SFXN5: variants seen among roughly 807,000 people sequenced by gnomAD.
The protein encoded by SFXN5 is sideroflexin 5, also known as sideroflexin-5.
Under a neutral mutation model 50.2 loss-of-function variants are expected in SFXN5, and 43 were observed. The ratio of observed to expected loss-of-function variants is 0.86; its 90% CI spans 0.67 to 1.11. The LOEUF (loss-of-function observed/expected upper bound fraction) is 1.11. Among genes scored for constraint, SFXN5 ranks in the 50% least tolerant of loss-of-function variants. The pLI is 0.00. For missense variants in SFXN5, 463 were observed against 454.1 expected, an observed-to-expected ratio of 1.02 and a Z score of -0.18; for synonymous variants, 203 against 185.8, an observed-to-expected ratio of 1.09 and a Z score of -0.75.
chr2:73,063,138 T>C (rs893845182), intron 1 of SFXN5, among the ~76,000 whole-genome samples: 4 of 152,184 alleles, frequency 2.6e-5, no homozygotes, highest in African/African-American at 9.7e-5. Context: ...GGAAAGAAGA[T>C]AAAAACTCTG....
Position 73,000,497 on chromosome 2 carries a change from A to T in SFXN5, c.412-10T>A. 1 of 1,556,992 alleles carries T rather than the reference A, an allele frequency of 6.4e-7. No homozygotes were observed. The highest frequency in any genetic ancestry group is 8.7e-7 in the Non-Finnish European group (1 of 1,149,252). Reference sequence around the variant, plus strand: ...GGCTCTGGTTCAGCCACTGAAAGGCAATGATGAGAGAAGTCAGGGAAGGAG... The same window carrying T: ...GGCTCTGGTTCAGCCACTGAAAGGCTATGATGAGAGAAGTCAGGGAAGGAG... On this transcript the variant is annotated splice_polypyrimidine_tract_variant and intron_variant, in intron 7 of 13. Coordinates refer to ENST00000272433, the MANE Select transcript of SFXN5 (RefSeq NM_144579.3).
rs1323551923 is a variant in SFXN5 at position 72,992,952 on chromosome 2, G to A, written c.535-4604C>T. On this transcript the variant is annotated intron_variant, in intron 9 of 13. Transcript: ENST00000272433. The surrounding 1 kb of genome is among the most constrained non-coding windows in gnomAD (Gnocchi z 4.5). ...GGGCCCAAGGGTCATGAAGGCTCCT[G>A]AGGAAGGGGATGCCTGCCTGAGCCC... 6.6e-6 allele frequency among the ~76,000 whole-genome samples: 1 copy of A among 152,210 alleles called. No homozygotes were observed. Among genetic ancestry groups the A allele is most frequent in the African/African-American group, 2.4e-5 (1 of 41,446 alleles).
intron 12 of SFXN5, 62 bp downstream of exon 12, chr2:72,968,386 T>C (rs889749591): frequency 1.8e-5 from 27 of 1,505,808 alleles, no homozygotes; most frequent in Non-Finnish European, 2.1e-5. Context: ...GCCAGCCGGT[T>C]CCCCCTCCCT....
At chr2:72,990,864 C>A (rs1407478730) in intron 9 of SFXN5, among the ~76,000 whole-genome samples, 1 of 152,220 alleles carries the variant, frequency 6.6e-6, no homozygotes, top group African/African-American at 2.4e-5. Flanking sequence ...ACCTCCCTGA[C>A]AATGGCCACC....
At chr2:73,002,948 G>A (rs538546477) in intron 6 of SFXN5, among the ~76,000 whole-genome samples, 11 of 152,384 alleles carry the variant, frequency 7.2e-5, no homozygotes, top group Non-Finnish European at 1.6e-4. Flanking sequence ...CTATGAAAGT[G>A]AAGGGGCTGA....
chr2:72,999,454 G>T (rs544678947), intron 8 of SFXN5, among the ~76,000 whole-genome samples: 34 of 152,014 alleles, frequency 2.2e-4, no homozygotes, highest in African/African-American at 8.2e-4. Flanking sequence ...GAACAGCTGG[G>T]CTCCCATGTC....
intron 2 of SFXN5, chr2:73,044,548 C>G (rs1393842197): frequency 6.6e-6 from 1 of 152,410 alleles, no homozygotes; most frequent in African/African-American, 2.4e-5. Flanking sequence ...TCTTCACACG[C>G]CCCTGGACCG....
Position 73,040,846 on chromosome 2 carries a change from A to C in SFXN5, c.249+8T>G. 1.2e-6 allele frequency: 2 copies of C among 1,605,374 alleles called. No individual in the cohort carries two copies. The highest frequency in any genetic ancestry group is 1.7e-6 in the Non-Finnish European group (2 of 1,175,800). ...CACTGGCCATGCTCCCACCTCCCAC[A>C]GAGTTACCTGTTCATTGGTGACCCC... On this transcript the variant is annotated splice_region_variant and intron_variant, in intron 3 of 13. Transcript: ENST00000272433.
At position 72,944,829 on chromosome 2, in the gene SFXN5, G is replaced by A; in HGVS notation, c.*193C>T. On this transcript the variant is annotated 3_prime_UTR_variant, in exon 14 of 14. Coordinates refer to ENST00000272433, the MANE Select transcript of SFXN5 (RefSeq NM_144579.3). ...TTGATTATTTTTTTGTACGAAATGT[G>A]TTAGAACTCCTCTTGCCTATGTTAA... is the stretch of plus-strand genomic sequence containing the variant. 5.3e-6 allele frequency: 3 copies of A among 570,260 alleles called. No individual in the cohort carries two copies. Among genetic ancestry groups the A allele is most frequent in the East Asian group, 2.9e-5 (1 of 34,474 alleles). The allele number at this position is 570,260 out of a possible 1,614,324, so 35.3% of individuals were successfully genotyped here.
chr2:72,999,217 G>A (rs184871880), intron 8 of SFXN5, among the ~76,000 whole-genome samples: 1 of 152,196 alleles, frequency 6.6e-6, no homozygotes. Flanking sequence ...CAGTATCCAG[G>A]GAGATACTGA....
intron 3 of SFXN5, among the ~76,000 whole-genome samples, chr2:73,026,786 T>C (rs191694696): frequency 2.8e-4 from 42 of 152,256 alleles, no homozygotes; most frequent in Middle Eastern, 3.4e-3. Context: ...TGGAGTGCAA[T>C]GGCACGGTCT....
intron 12 of SFXN5, among the ~76,000 whole-genome samples, chr2:72,965,856 C>A (rs1261222087): frequency 6.6e-6 from 1 of 152,210 alleles, no homozygotes; most frequent in Non-Finnish European, 1.5e-5. Context: ...GGACAGGTCC[C>A]TGGATGAGCA....
chr2:73,070,423 A>G (rs562053690), intron 1 of SFXN5: 2 of 151,962 alleles, frequency 1.3e-5, no homozygotes, highest in Admixed American at 1.3e-4. Flanking sequence ...CTTCCACCAC[A>G]ACAACAAAAA....
chr2:73,046,729 G>A (rs1372912193), intron 2 of SFXN5, among the ~76,000 whole-genome samples: 1 of 152,160 alleles, frequency 6.6e-6, no homozygotes, highest in Non-Finnish European at 1.5e-5. Context: ...TTGCCAAAAT[G>A]TATGCAGATG....
intron 2 of SFXN5, 195 bp downstream of exon 2, chr2:73,058,333 C>G (rs1314293561): frequency 3.7e-6 from 2 of 538,682 alleles, no homozygotes; most frequent in Admixed American, 3.1e-5. Flanking sequence ...CACAATGTAT[C>G]AACTCAGATA....
rs1419061146 is a variant in SFXN5, at chr2:73,033,088, C to T, written c.249+7766G>A. 2.6e-5 allele frequency among the ~76,000 whole-genome samples: 4 copies of T among 152,264 alleles called. 1 individual carries two copies. In the East Asian group the frequency reaches 5.8e-4, roughly 22 times the overall value. ...AAATTCTAGATCTCCCGCTTGCTGG[C>T]TATGTGATTTAGGGCAATACGCTTA... On this transcript the variant is annotated intron_variant, in intron 3 of 13. Transcript: ENST00000272433.
intron 2 of SFXN5, among the ~76,000 whole-genome samples, chr2:73,056,971 G>T (rs563968703): frequency 1.3e-5 from 2 of 152,230 alleles, no homozygotes; most frequent in African/African-American, 2.4e-5. Context: ...TCCACACAAA[G>T]AATGTTCATA....
intron 9 of SFXN5, chr2:72,998,083 A>G (rs1213092689): frequency 6.6e-6 from 1 of 151,594 alleles, no homozygotes; most frequent in East Asian, 1.9e-4. Context: ...TTTGGTTTTC[A>G]TTTTCTAATT....
intron 6 of SFXN5, among the ~76,000 whole-genome samples, chr2:73,011,884 G>C (rs375487179): frequency 4.6e-5 from 7 of 152,318 alleles, no homozygotes; most frequent in African/African-American, 1.7e-4. Flanking sequence ...TTCTGGAAGT[G>C]CCCTTGAGAA....
Sources: allele counts gnomAD v4.1 joint callset (sites outside exome capture counted in the v4.1 genomes callset), GRCh38; gene constraint gnomAD v4.1.1; non-coding constraint Gnocchi (gnomAD v3.1); transcripts MANE v1.5; gene names NCBI Gene and HGNC (gene_info 2026-07-23, HGNC 2026-07-21).